The following ACBD6 variants were observed in gnomAD, a reference collection of about 807,000 sequenced individuals.
ACBD6 encodes the protein acyl-CoA binding domain containing 6, also known as acyl-CoA-binding domain-containing protein 6.
Under a neutral mutation model 37.2 loss-of-function variants are expected in ACBD6, and 28 were observed. That is an observed-to-expected ratio of 0.75 (90% CI 0.56 to 1.03). The LOEUF is 1.03. Among genes scored for constraint, ACBD6 ranks in the 50% least tolerant of loss-of-function variants. The pLI is 0.00. For missense variants in ACBD6, 340 were observed against 337.4 expected (o/e 1.01, Z -0.06); for synonymous variants, 113 against 126.8 (o/e 0.89, Z 0.73).
At chr1:180,293,731 AT>A (rs1432166920) in intron 7 of ACBD6, among the ~76,000 whole-genome samples, 1 of 151,870 alleles carries the variant, frequency 6.6e-6, no homozygotes, top group Non-Finnish European at 1.5e-5. Flanking sequence ...CAGATTTTCT[AT>A]TTTTTATTTT....
At chr1:180,471,614 G>A (rs757890615) in intron 3 of ACBD6, among the ~76,000 whole-genome samples, 7 of 151,960 alleles carry the variant, frequency 4.6e-5, no homozygotes, top group Non-Finnish European at 7.4e-5. Flanking sequence ...AAGCAAAAGC[G>A]GATACCCCTG....
intron 6 of ACBD6, among the ~76,000 whole-genome samples, chr1:180,319,388 T>C (rs2149293742): frequency 6.6e-6 from 1 of 152,352 alleles, no homozygotes; most frequent in Non-Finnish European, 1.5e-5. Flanking sequence ...ACAGTAGGTA[T>C]ATATATTTGT....
At chr1:180,314,525 G>T (rs1446139919) in intron 7 of ACBD6, among the ~76,000 whole-genome samples, 167 bp downstream of exon 7, 7 of 152,208 alleles carry the variant, frequency 4.6e-5, no homozygotes, top group Non-Finnish European at 1.0e-4. Flanking sequence ...GATTACAGGT[G>T]TGAGCCCTCA....
intron 7 of ACBD6, among the ~76,000 whole-genome samples, chr1:180,298,158 A>C (rs1649994898): frequency 6.6e-6 from 1 of 152,238 alleles, no homozygotes; most frequent in African/African-American, 2.4e-5. Context: ...AATACAACAA[A>C]GTTGAAGACA....
intron 3 of ACBD6, among the ~76,000 whole-genome samples, chr1:180,449,032 A>G (rs1230876636): frequency 2.0e-5 from 3 of 152,206 alleles, no homozygotes; most frequent in African/African-American, 7.2e-5. Context: ...TTTTTAATGT[A>G]ACACATGAAT....
intron 7 of ACBD6, among the ~76,000 whole-genome samples, chr1:180,310,798 T>C (rs1000796959): frequency 2.6e-5 from 4 of 152,240 alleles, no homozygotes; most frequent in African/African-American, 9.6e-5. Context: ...ATGAGAATTC[T>C]TGTTGTTCTA....
chr1:180,502,278 C>A lies in ACBD6; in HGVS notation c.-12G>T. The A allele has an allele frequency of 3.7e-6, 6 of 1,611,994 alleles. No individual in the cohort carries two copies. Among genetic ancestry groups the A allele is most frequent in the Non-Finnish European group, 4.2e-6 (5 of 1,179,870 alleles). On this transcript the variant is annotated 5_prime_UTR_variant, in exon 1 of 8. Coordinates refer to ENST00000367595, the MANE Select transcript of ACBD6 (RefSeq NM_032360.4). ...AATGATGAAGCCATGTCTCCTTGCT[C>A]GCTCCGTCCCTCTGTGTCCGGTCTG...
At chr1:180,350,016 A>C (rs1195724861) in intron 6 of ACBD6, among the ~76,000 whole-genome samples, 1 of 133,724 alleles carries the variant, frequency 7.5e-6, no homozygotes, top group Non-Finnish European at 1.5e-5. Context: ...AGTCCTCTCC[A>C]GTGACCCTTT....
At chr1:180,270,265 C>G (rs1369522875) in exon 14 of ACBD6, 2 of 152,224 alleles carry the variant, frequency 1.3e-5, no homozygotes, top group Non-Finnish European at 2.9e-5. Context: ...ACTATTGTTT[C>G]TAAGAGAGGG....
intron 4 of ACBD6, among the ~76,000 whole-genome samples, chr1:180,424,499 C>T (rs897933114): frequency 6.6e-6 from 1 of 151,994 alleles, no homozygotes; most frequent in Non-Finnish European, 1.5e-5. Flanking sequence ...AGGGGGTGAG[C>T]GGAAAACTGG....
chr1:180,494,977 A>G lies in ACBD6; in HGVS notation c.287+484T>C, dbSNP rs376514497. 3.4e-4 allele frequency among the ~76,000 whole-genome samples: 52 copies of G among 152,298 alleles called. 8 individuals carry two copies. The highest frequency in any genetic ancestry group is 2.3e-3 in the Admixed American group (35 of 15,284). On this transcript the variant is annotated intron_variant, in intron 2 of 7. Transcript: ENST00000367595. ...TTTTTCCCTTCTTCCCAAGAGTACT[A>G]TAAGCAGTTATTTACTGTGGCATGG...
At chr1:180,401,990 T>TA (rs1206327525) in intron 5 of ACBD6, among the ~76,000 whole-genome samples, 2 of 152,104 alleles carry the variant, frequency 1.3e-5, no homozygotes, top group African/African-American at 4.8e-5. Flanking sequence ...ACACATATAG[T>TA]ATATGGTATG....
At chr1:180,430,312 A>G (rs753662160) in intron 3 of ACBD6, 50 bp from the exon 4 acceptor site, 2 of 1,395,906 alleles carry the variant, frequency 1.4e-6, no homozygotes, top group South Asian at 2.3e-5. Context: ...GGTTAAAACA[A>G]TAGGTATTTA....
At chr1:180,293,771 T>C (rs1649807598) in intron 7 of ACBD6, among the ~76,000 whole-genome samples, 1 of 152,184 alleles carries the variant, frequency 6.6e-6, no homozygotes, top group Middle Eastern at 3.2e-3. Context: ...AGTCAGGCTA[T>C]GTTGCCCTAG....
At chr1:180,493,265 AAAAAAAAAAAAAAC>A (rs1256091832) in intron 2 of ACBD6, among the ~76,000 whole-genome samples, 4 of 141,552 alleles carry the variant, frequency 2.8e-5, no homozygotes, top group Admixed American at 7.0e-5. Context: ...AAAAAAAAAA[AAAAAAAAAAAAAAC>A]AACAACAGCA....
chr1:180,343,946 T>C (rs199571361), intron 6 of ACBD6, among the ~76,000 whole-genome samples: 2 of 4,600 alleles, frequency 4.3e-4, no homozygotes, highest in African/African-American at 5.4e-4. Flanking sequence ...TATAGTTGGC[T>C]TTCTTGATTT....
rs142044989 is a variant in ACBD6 at position 180,274,567 on chromosome 1, T to G, written c.*936+84A>C. The G allele has an allele frequency of 1.2e-4, 196 of 1,577,706 alleles. No homozygotes were observed. The highest frequency in any genetic ancestry group is 1.4e-4 in the Non-Finnish European group (167 of 1,162,048). ...GCTCTTGGCTCGATGAAATGGATCATCCTCCTTTTTAAACTTCTCTCCTCC... is the reference window on the plus strand; with the variant it reads ...GCTCTTGGCTCGATGAAATGGATCAGCCTCCTTTTTAAACTTCTCTCCTCC... On this transcript the variant is annotated intron_variant, in intron 10 of 13. Transcript: ENST00000642319.
chr1:180,500,520 C>T (rs1557897024), intron 1 of ACBD6, among the ~76,000 whole-genome samples: 2 of 151,532 alleles, frequency 1.3e-5, no homozygotes, highest in Admixed American at 1.3e-4. Flanking sequence ...TGATGAAACC[C>T]CGTCTCTTCT....
chr1:180,400,216 G>C (rs1393584429), intron 5 of ACBD6, among the ~76,000 whole-genome samples: 2 of 152,044 alleles, frequency 1.3e-5, no homozygotes, highest in African/African-American at 2.4e-5. Context: ...TTACTTTAGG[G>C]GAAACACCTA....
Sources: allele counts gnomAD v4.1 joint callset (sites outside exome capture counted in the v4.1 genomes callset), GRCh38; gene constraint gnomAD v4.1.1; transcripts MANE v1.5; gene names NCBI Gene and HGNC (gene_info 2026-07-23, HGNC 2026-07-21).